The following MSRA variants were observed in gnomAD, a reference collection of about 807,000 sequenced individuals.
MSRA encodes mitochondrial peptide methionine sulfoxide reductase.
A neutral mutation model predicts 31.3 loss-of-function variants in MSRA; 54 were observed. The observed-to-expected ratio is 1.73, with a 90% CI of 1.39 to 2.17. The LOEUF (loss-of-function observed/expected upper bound fraction) is 2.17. Ranked by LOEUF, MSRA falls within the 30% of genes most tolerant of loss-of-function variation. MSRA has a pLI of 0.00. For synonymous variants in MSRA, 169 were observed against 116.5 expected, an observed-to-expected ratio of 1.45 and a Z score of -2.90; for missense variants, 507 against 300.9, an observed-to-expected ratio of 1.69 and a Z score of -5.07.
At chr8:10,192,897 C>T (rs1199621254) in intron 1 of MSRA, among the ~76,000 whole-genome samples, 1 of 152,198 alleles carries the variant, frequency 6.6e-6, no homozygotes, top group Non-Finnish European at 1.5e-5. Context: ...CTCAGACACC[C>T]ATTTCATAAA....
At chr8:10,111,329 C>G (rs1381522275) in intron 1 of MSRA, among the ~76,000 whole-genome samples, 1 of 152,154 alleles carries the variant, frequency 6.6e-6, no homozygotes, top group African/African-American at 2.4e-5. Flanking sequence ...AACCTCCACC[C>G]TTGCCCCCTC....
intron 1 of MSRA, among the ~76,000 whole-genome samples, chr8:10,060,581 C>A (rs977555980): frequency 6.6e-6 from 1 of 150,880 alleles, no homozygotes; most frequent in Non-Finnish European, 1.5e-5. Context: ...TGATCTGTCT[C>A]GCTGTTTTTA....
At chr8:10,186,856 T>C (rs200636151) in intron 1 of MSRA, among the ~76,000 whole-genome samples, 43 of 152,302 alleles carry the variant, frequency 2.8e-4, no homozygotes, top group East Asian at 1.9e-3. Context: ...TCATTTGTCT[T>C]TGAGCTCTGT....
At chr8:10,111,708 A>G (rs1457558184) in intron 1 of MSRA, among the ~76,000 whole-genome samples, 1 of 152,258 alleles carries the variant, frequency 6.6e-6, no homozygotes, top group Non-Finnish European at 1.5e-5. Context: ...TGAGAAGAGC[A>G]GTCAAAAGCC....
chr8:10,246,318 C>T (rs565800210), intron 3 of MSRA, among the ~76,000 whole-genome samples: 29 of 152,296 alleles, frequency 1.9e-4, no homozygotes, highest in Admixed American at 1.8e-3. Context: ...ATGGCAAATT[C>T]TGTCTCGAAT....
At chr8:10,320,207 G>A (rs894077166) in intron 5 of MSRA, 5 of 367,728 alleles carry the variant, frequency 1.4e-5, no homozygotes, top group Non-Finnish European at 2.5e-5. Flanking sequence ...AGTGGCTCAT[G>A]CCTGTAATCC....
chr8:10,219,060 A>C (rs1162402852), intron 2 of MSRA, among the ~76,000 whole-genome samples: 1 of 152,208 alleles, frequency 6.6e-6, no homozygotes, highest in East Asian at 1.9e-4. Context: ...CAGGTTTAAA[A>C]AAGCAACTCC....
At chr8:10,124,842 T>G (rs1465807552) in intron 1 of MSRA, among the ~76,000 whole-genome samples, 1 of 152,238 alleles carries the variant, frequency 6.6e-6, no homozygotes, top group Non-Finnish European at 1.5e-5. Context: ...ATTCATGACA[T>G]GTAATTTCAC....
intron 1 of MSRA, among the ~76,000 whole-genome samples, chr8:10,076,882 C>G (rs887440429): frequency 6.6e-6 from 1 of 151,570 alleles, no homozygotes; most frequent in African/African-American, 2.4e-5. Flanking sequence ...TGGGGAAGAG[C>G]ATACACTGGG....
At chr8:10,089,329 G>T (rs1425506142) in intron 1 of MSRA, among the ~76,000 whole-genome samples, 1 of 152,108 alleles carries the variant, frequency 6.6e-6, no homozygotes, top group African/African-American at 2.4e-5. Flanking sequence ...CCTAACAATT[G>T]CCTCCTTTTG....
intron 4 of MSRA, among the ~76,000 whole-genome samples, chr8:10,302,769 C>T (rs1308543660): frequency 6.6e-6 from 1 of 152,128 alleles, no homozygotes; most frequent in Non-Finnish European, 1.5e-5. Flanking sequence ...GCCGGGGGCA[C>T]GATTTCCATG....
chr8:10,160,302 T>A (rs1054708397), intron 1 of MSRA, among the ~76,000 whole-genome samples: 3 of 152,032 alleles, frequency 2.0e-5, no homozygotes, highest in Admixed American at 6.5e-5. Flanking sequence ...AAGACCATCC[T>A]GGCTAACACA....
At chr8:10,268,369 A>G (rs1329004311) in intron 3 of MSRA, among the ~76,000 whole-genome samples, 1 of 145,616 alleles carries the variant, frequency 6.9e-6, no homozygotes, top group African/African-American at 2.4e-5. Context: ...TAGAGGAGAT[A>G]TGGGGAGACT....
At chr8:10,101,508 C>G (rs1799527261) in intron 1 of MSRA, among the ~76,000 whole-genome samples, 1 of 152,092 alleles carries the variant, frequency 6.6e-6, no homozygotes, top group African/African-American at 2.4e-5. Flanking sequence ...AAATTCTGTA[C>G]CCATAAACAA....
chr8:10,365,012 A>G (rs776982538), intron 5 of MSRA, among the ~76,000 whole-genome samples: 50 of 152,040 alleles, frequency 3.3e-4, no homozygotes, highest in Non-Finnish European at 5.9e-4. Context: ...TATTCTCTTT[A>G]TCTGCTTTGT....
At chr8:10,414,107 C>T (rs1383820090) in intron 5 of MSRA, among the ~76,000 whole-genome samples, 15 of 152,156 alleles carry the variant, frequency 9.9e-5, no homozygotes, top group Admixed American at 9.2e-4. Context: ...TTTGAGGCTG[C>T]AGTGAGCCGT....
At chr8:10,269,724 C>T (rs979026291) in intron 3 of MSRA, among the ~76,000 whole-genome samples, 1 of 152,200 alleles carries the variant, frequency 6.6e-6, no homozygotes, top group South Asian at 2.1e-4. Flanking sequence ...GATCTCGGCT[C>T]ACTGCAAGCT....
intron 1 of MSRA, among the ~76,000 whole-genome samples, chr8:10,198,897 C>T (rs1008009068): frequency 3.3e-5 from 5 of 152,168 alleles, no homozygotes; most frequent in Non-Finnish European, 5.9e-5. Flanking sequence ...TAGATTGTAG[C>T]GTTTCATGTG....
At chr8:10,350,582 C>T (rs1231900177) in intron 5 of MSRA, among the ~76,000 whole-genome samples, 1 of 152,242 alleles carries the variant, frequency 6.6e-6, no homozygotes. Flanking sequence ...ACTCACTGGT[C>T]AGCAGCCGTA....
Sources: allele counts gnomAD v4.1 joint callset (sites outside exome capture counted in the v4.1 genomes callset), GRCh38; gene constraint gnomAD v4.1.1; transcripts MANE v1.5; gene names NCBI Gene and HGNC (gene_info 2026-07-23, HGNC 2026-07-21).